AKAP11: variants seen among roughly 807,000 people sequenced by gnomAD.
AKAP11 encodes the protein A-kinase anchoring protein 11.
In AKAP11, 36 loss-of-function variants were observed where a neutral mutation model predicts 146.1. The ratio of observed to expected loss-of-function variants is 0.25; its 90% CI spans 0.19 to 0.33. The LOEUF (loss-of-function observed/expected upper bound fraction) is 0.33. Among genes scored for constraint, AKAP11 ranks in the 10% least tolerant of loss-of-function variants. AKAP11 has a pLI of 1.00. For missense variants in AKAP11, 2,201 were observed against 2,197.0 expected, an observed-to-expected ratio of 1.00 and a Z score of -0.04; for synonymous variants, 780 against 786.5, an observed-to-expected ratio of 0.99 and a Z score of 0.14.
intron 6 of AKAP11, 65 bp from the exon 7 acceptor site, chr13:42,298,468 C>CT: frequency 6.5e-7 from 1 of 1,527,368 alleles, no homozygotes; most frequent in Admixed American, 1.9e-5. Context: ...TATATCTAGG[C>CT]TTTACTTCAT....
intron 1 of AKAP11, among the ~76,000 whole-genome samples, chr13:42,274,646 C>G (rs966993051): frequency 6.0e-5 from 9 of 150,424 alleles, no homozygotes; most frequent in African/African-American, 2.2e-4. Context: ...GATCGTGCCA[C>G]TGCACTCCAC....
At chr13:42,273,607 C>T (rs549716062) in intron 1 of AKAP11, among the ~76,000 whole-genome samples, 3 of 152,106 alleles carry the variant, frequency 2.0e-5, no homozygotes, top group African/African-American at 7.2e-5. Context: ...TTGATAAGGG[C>T]CTAGCAGTGG....
At chr13:42,281,375 A>G (rs746148276) in intron 1 of AKAP11, among the ~76,000 whole-genome samples, 26 of 152,164 alleles carry the variant, frequency 1.7e-4, no homozygotes, top group Non-Finnish European at 3.4e-4. Flanking sequence ...TGTGTTAGAA[A>G]TAAGCTGATG....
In AKAP11 at chr13:42,272,668, C is replaced by T. The variant is rs141168811; in HGVS notation, c.-100+440C>T. Among the ~76,000 whole-genome samples the T allele has an allele frequency of 6.1e-3, 928 of 152,282 alleles. 20 individuals are homozygous for T. The highest frequency in any genetic ancestry group is 0.01 in the East Asian group (52 of 5,184). ...GGTTGGGAGGACGTTGCACTTTGTTCCCGAACAGCATCCTTCACTGTCAGA... is the reference window on the plus strand; with the variant it reads ...GGTTGGGAGGACGTTGCACTTTGTTTCCGAACAGCATCCTTCACTGTCAGA... On this transcript the variant is annotated intron_variant, in intron 1 of 12. Coordinates refer to ENST00000025301, the MANE Select transcript of AKAP11 (RefSeq NM_016248.4).
In AKAP11 at chr13:42,286,524, C is replaced by A. The variant is rs887374022; in HGVS notation, c.51+125C>A. On this transcript the variant is annotated intron_variant, in intron 3 of 12. Coordinates refer to ENST00000025301, the MANE Select transcript of AKAP11 (RefSeq NM_016248.4). ...TATTATTTGAATTAGTAACATTGAA[C>A]TACTGCAAAGATTGGCATGTATGAA... 7 of 586,110 alleles carry A rather than the reference C, an allele frequency of 1.2e-5. No homozygotes were observed. In the East Asian group the frequency reaches 1.9e-4, roughly 16 times the overall value. 36.3% of individuals were successfully genotyped at this position (586,110 alleles called of 1,614,324 possible). A position where few individuals can be genotyped will look rare whatever the true frequency, so the allele number is the denominator to read the frequency against.
rs372054341 is a variant in AKAP11, at chr13:42,305,592, G to C, written c.5117+1729G>C. On this transcript the variant is annotated intron_variant, in intron 8 of 12. Transcript: ENST00000025301. ...GAAATTATATGAAATTCAAATTTCA[G>C]TATTTATAAATAAAGTTTTATTGGG... Among the ~76,000 whole-genome samples the C allele has an allele frequency of 5.9e-5, 9 of 152,242 alleles. No homozygotes were observed. In the South Asian group the frequency reaches 1.0e-3, roughly 18 times the overall value.
At chr13:42,284,359 T>A (rs1428523025) in intron 1 of AKAP11, among the ~76,000 whole-genome samples, 1 of 152,226 alleles carries the variant, frequency 6.6e-6, no homozygotes, top group African/African-American at 2.4e-5. Flanking sequence ...TTAGGAGCCT[T>A]CTTTGACAGT....
rs1454290488 is a variant in AKAP11, at chr13:42,303,774, G to A, written c.5028G>A (p.Gly1676=). Residue 1676 remains glycine (G), a synonymous_variant, in exon 8 of 13, where the codon GGG becomes GGA. Coordinates refer to ENST00000025301, the MANE Select transcript of AKAP11 (RefSeq NM_016248.4). ...GTACCAGCCTGGCAGCCGACAGTGG[G>A]ATCGGACAGGAGGGTGCCAGCTTTG... ...LSSTSLAADS[G]IGQEGASFAE... is the part of the protein sequence containing the mutation. 5.5e-5 allele frequency: 89 copies of A among 1,613,982 alleles called. No individual in the cohort carries two copies. The highest frequency in any genetic ancestry group is 7.5e-5 in the Non-Finnish European group (88 of 1,179,998).
intron 12 of AKAP11, among the ~76,000 whole-genome samples, chr13:42,318,274 T>C (rs931966540): frequency 1.6e-4 from 24 of 152,274 alleles, no homozygotes; most frequent in Admixed American, 1.2e-3. Flanking sequence ...CCTTTTGGGG[T>C]GGTAGAAATA....
At position 42,272,165 on chromosome 13, in the gene AKAP11, G is replaced by T; in HGVS notation, c.-163G>T. The T allele has an allele frequency of 6.5e-6, 1 of 153,072 alleles. No homozygotes were observed. Among genetic ancestry groups the T allele is most frequent in the South Asian group, 1.8e-4 (1 of 5,598 alleles). The allele number at this position is 153,072 out of a possible 1,614,324, so 9.5% of individuals were successfully genotyped here. A position where few individuals can be genotyped will look rare whatever the true frequency, so the allele number is the denominator to read the frequency against. ...CGGGAGGGGGCCAGCTTGCTTGCCC[G>T]GCTCGCTCACGGGTCGTTGAGGCCG... On this transcript the variant is annotated 5_prime_UTR_variant, in exon 1 of 13. Coordinates refer to ENST00000025301, the MANE Select transcript of AKAP11 (RefSeq NM_016248.4).
intron 1 of AKAP11, among the ~76,000 whole-genome samples, chr13:42,273,968 C>T (rs1456821295): frequency 6.6e-6 from 1 of 152,186 alleles, no homozygotes; most frequent in Non-Finnish European, 1.5e-5. Context: ...TGTGAATGGG[C>T]AGAGGAGACC....
intron 6 of AKAP11, among the ~76,000 whole-genome samples, chr13:42,298,189 ATAGT>A (rs1310069636): frequency 1.6e-4 from 25 of 152,126 alleles, no homozygotes; most frequent in South Asian, 1.0e-3. Flanking sequence ...ACAATTTATA[ATAGT>A]TAGTGAGATA....
chr13:42,286,787 C>G (rs931453586), intron 3 of AKAP11, among the ~76,000 whole-genome samples: 2 of 152,164 alleles, frequency 1.3e-5, no homozygotes, highest in African/African-American at 2.4e-5. Flanking sequence ...CAGTAACAAG[C>G]AAACAAAATA....
At chr13:42,313,551 A>G (rs1017437089) in intron 10 of AKAP11, among the ~76,000 whole-genome samples, 7 of 152,332 alleles carry the variant, frequency 4.6e-5, no homozygotes, top group African/African-American at 9.6e-5. Flanking sequence ...ACCATTAACA[A>G]ATATTCCTGG....
chr13:42,295,636 C>A, intron 4 of AKAP11, 59 bp from the exon 5 acceptor site: 2 of 1,498,466 alleles, frequency 1.3e-6, no homozygotes, highest in South Asian at 2.3e-5. Flanking sequence ...TCAGCTCTGT[C>A]ACCAGCCTGA....
chr13:42,298,486 T>C lies in AKAP11; in HGVS notation c.352-47T>C, dbSNP rs764247486. 2.5e-6 allele frequency: 4 copies of C among 1,580,976 alleles called. No individual in the cohort carries two copies. In the East Asian group the frequency reaches 9.0e-5, roughly 36 times the overall value. On this transcript the variant is annotated intron_variant, in intron 6 of 12. Transcript: ENST00000025301. ...ATCTAGGCTTTACTTCATGTTGTTTTGTATTTGAAATTAAAATTGTTTTTA... is the reference window on the plus strand; with the variant it reads ...ATCTAGGCTTTACTTCATGTTGTTTCGTATTTGAAATTAAAATTGTTTTTA...
intron 4 of AKAP11, among the ~76,000 whole-genome samples, chr13:42,295,215 G>A (rs887485807): frequency 6.6e-6 from 1 of 152,188 alleles, no homozygotes; most frequent in East Asian, 1.9e-4. Flanking sequence ...GGGCGCAACT[G>A]TGAAGTCCTT....
rs866144546 is a variant in AKAP11, at chr13:42,300,102, C to T, written c.1356C>T (p.Ser452=). The part of the protein sequence containing the change: ...EDSGLFSPIR[S]SAFSPLGGCT... ...GTGGTTTATTTAGTCCTATTCGATC[C>T]TCTGCTTTTAGTCCTCTTGGAGGCT... Residue 452 remains serine, a synonymous_variant, in exon 8 of 13, where the codon TCC becomes TCT. Transcript: ENST00000025301. The T allele has an allele frequency of 6.2e-7, 1 of 1,613,948 alleles. No individual in the cohort carries two copies. Among genetic ancestry groups the T allele is most frequent in the Non-Finnish European group, 8.5e-7 (1 of 1,179,860 alleles).
At chr13:42,280,753 C>G (rs1276044391) in intron 1 of AKAP11, among the ~76,000 whole-genome samples, 4 of 152,048 alleles carry the variant, frequency 2.6e-5, no homozygotes, top group African/African-American at 9.7e-5. Flanking sequence ...TGAGCCAAGC[C>G]TATTTTAGGG....
Sources: gnomAD v4.1 joint callset for allele counts (sites outside exome capture counted in the v4.1 genomes callset) on GRCh38, gnomAD v4.1.1 for gene constraint, MANE v1.5 for transcripts, NCBI Gene and HGNC (gene_info 2026-07-23, HGNC 2026-07-21) for gene names.